LRFN2: variants seen among roughly 807,000 people sequenced by gnomAD.
LRFN2 encodes leucine-rich repeat and fibronectin type-III domain-containing protein 2.
In LRFN2, 18 loss-of-function variants were observed where a neutral mutation model predicts 37.3. That is an observed-to-expected ratio of 0.48 (90% confidence interval 0.33 to 0.72). The LOEUF (loss-of-function observed/expected upper bound fraction) is 0.72. Ranked by LOEUF, LRFN2 falls within the 30% of genes least tolerant of loss-of-function variation. The pLI, the probability that LRFN2 is intolerant of heterozygous loss-of-function variation, is 0.02. For missense variants in LRFN2, 1,006 were observed against 1,060.7 expected (o/e 0.95, Z 0.72); for synonymous variants, 556 against 466.6 (o/e 1.19, Z -2.47).
At chr6:40,440,006 A>G (rs563672626) in intron 1 of LRFN2, among the ~76,000 whole-genome samples, 2 of 152,294 alleles carry the variant, frequency 1.3e-5, no homozygotes, top group African/African-American at 4.8e-5. Context: ...CCCACACAAG[A>G]TGGGCAAGAA....
intron 1 of LRFN2, among the ~76,000 whole-genome samples, chr6:40,482,168 G>A (rs1037861276): frequency 2.0e-5 from 3 of 152,188 alleles, no homozygotes; most frequent in African/African-American, 7.2e-5. Flanking sequence ...TGTCAGAGAG[G>A]GGTGGGGAGG....
chr6:40,443,462 G>A (rs769701751), intron 1 of LRFN2, among the ~76,000 whole-genome samples: 14 of 152,136 alleles, frequency 9.2e-5, no homozygotes, highest in African/African-American at 2.9e-4. Flanking sequence ...GGACTTCCAC[G>A]GCCTTTGAGG....
In LRFN2 at chr6:40,431,700, A is replaced by G; in HGVS notation, c.1400+14T>C. 6.7e-7 allele frequency: 1 copy of G among 1,503,134 alleles called. No individual in the cohort carries two copies. Among genetic ancestry groups the G allele is most frequent in the Non-Finnish European group, 8.9e-7 (1 of 1,126,340 alleles). The allele number at this position is 1,503,134 out of a possible 1,614,324, so 93.1% of individuals were successfully genotyped here. ...CAGACACCCTCCCTGCCTTTGCCAC[A>G]GCCGCTTGCTCACCTGTAAATCAGT... On this transcript the variant is annotated intron_variant, in intron 2 of 2. Coordinates refer to ENST00000338305, the MANE Select transcript of LRFN2 (RefSeq NM_020737.3).
At chr6:40,473,307 G>A (rs920103763) in intron 1 of LRFN2, among the ~76,000 whole-genome samples, 2 of 152,286 alleles carry the variant, frequency 1.3e-5, no homozygotes, top group South Asian at 2.1e-4. Flanking sequence ...GGAAGCTCCC[G>A]AAAAGGAGAC....
At chr6:40,511,933 A>C (rs1287221717) in intron 1 of LRFN2, among the ~76,000 whole-genome samples, 1 of 152,200 alleles carries the variant, frequency 6.6e-6, no homozygotes, top group East Asian at 1.9e-4. Context: ...GGAAACAGAG[A>C]GAAAGAGGGA....
At chr6:40,567,711 G>A (rs1012522459) in intron 1 of LRFN2, among the ~76,000 whole-genome samples, 3 of 152,230 alleles carry the variant, frequency 2.0e-5, no homozygotes, top group Admixed American at 6.5e-5. Flanking sequence ...GCACTTTGCT[G>A]TTGATCTTCA....
At chr6:40,568,360 A>G (rs1767126923) in intron 1 of LRFN2, among the ~76,000 whole-genome samples, 1 of 152,186 alleles carries the variant, frequency 6.6e-6, no homozygotes, top group Admixed American at 6.5e-5. Context: ...CTATGTGTCT[A>G]AGATGGTATA....
chr6:40,510,836 C>T (rs1765686531), intron 1 of LRFN2, among the ~76,000 whole-genome samples: 1 of 152,060 alleles, frequency 6.6e-6, no homozygotes, highest in Admixed American at 6.6e-5. Flanking sequence ...GGGTTCTCGG[C>T]TTATAGAAGC....
intron 2 of LRFN2, among the ~76,000 whole-genome samples, chr6:40,421,535 G>T (rs1448832280): frequency 1.3e-5 from 2 of 152,162 alleles, no homozygotes; most frequent in African/African-American, 2.4e-5. Context: ...GGAGTGTCTG[G>T]GTAACAATAA....
At chr6:40,538,061 G>A (rs1434272030) in intron 1 of LRFN2, among the ~76,000 whole-genome samples, 2 of 152,148 alleles carry the variant, frequency 1.3e-5, no homozygotes, top group Non-Finnish European at 2.9e-5. Flanking sequence ...AATCACCAAC[G>A]CTCGCCTTGG....
At chr6:40,571,710 T>G (rs1767190789) in intron 1 of LRFN2, among the ~76,000 whole-genome samples, 1 of 152,228 alleles carries the variant, frequency 6.6e-6, no homozygotes, top group Non-Finnish European at 1.5e-5. Flanking sequence ...TCCTTTCTGC[T>G]GCCGTCACCA....
intron 1 of LRFN2, among the ~76,000 whole-genome samples, chr6:40,501,170 T>C (rs1407920541): frequency 6.6e-6 from 1 of 151,020 alleles, no homozygotes; most frequent in Non-Finnish European, 1.5e-5. Flanking sequence ...CTGTCTAAAA[T>C]AATATAAATA....
intron 1 of LRFN2, among the ~76,000 whole-genome samples, chr6:40,433,686 T>C (rs1241344283): frequency 6.6e-6 from 1 of 152,224 alleles, no homozygotes; most frequent in East Asian, 1.9e-4. Flanking sequence ...TCCTTAAGAA[T>C]GAGGTTGTAG....
At chr6:40,548,218 T>A (rs143429669) in intron 1 of LRFN2, among the ~76,000 whole-genome samples, 4,204 of 152,210 alleles carry the variant, frequency 0.028, 73 homozygotes, top group East Asian at 0.053. Context: ...GGTGGGTGGA[T>A]CACCTGAGGT....
chr6:40,514,071 G>A (rs1765785653), intron 1 of LRFN2, among the ~76,000 whole-genome samples: 1 of 152,002 alleles, frequency 6.6e-6, no homozygotes, highest in Non-Finnish European at 1.5e-5. Context: ...TGGATTTGAA[G>A]CCAAGATGTG....
At chr6:40,407,436 G>T (rs1180804843) in intron 2 of LRFN2, among the ~76,000 whole-genome samples, 1 of 152,154 alleles carries the variant, frequency 6.6e-6, no homozygotes, top group Non-Finnish European at 1.5e-5. Context: ...CATGTGAAAT[G>T]GGAGAGTAAT....
chr6:40,550,043 A>C (rs1766741545), intron 1 of LRFN2, among the ~76,000 whole-genome samples: 1 of 152,288 alleles, frequency 6.6e-6, no homozygotes, highest in South Asian at 2.1e-4. Context: ...CAAAATAAAA[A>C]ATAAAAATAA....
intron 1 of LRFN2, among the ~76,000 whole-genome samples, chr6:40,522,674 C>T (rs925058114): frequency 6.6e-6 from 1 of 152,178 alleles, no homozygotes; most frequent in Non-Finnish European, 1.5e-5. Flanking sequence ...AATTCCAGGG[C>T]CCTGGCCTGC....
intron 1 of LRFN2, among the ~76,000 whole-genome samples, chr6:40,455,275 C>T (rs1258969553): frequency 6.6e-6 from 1 of 152,202 alleles, no homozygotes; most frequent in Non-Finnish European, 1.5e-5. Context: ...TACTTTGCAC[C>T]ACTCTACCAA....
Sources: allele counts gnomAD v4.1 joint callset (sites outside exome capture counted in the v4.1 genomes callset), GRCh38; gene constraint gnomAD v4.1.1; transcripts MANE v1.5; gene names NCBI Gene and HGNC (gene_info 2026-07-23, HGNC 2026-07-21).